Variants in ADAM9 observed in about 807,000 individuals in gnomAD.
ADAM9 encodes ADAM metallopeptidase domain 9.
A neutral mutation model predicts 108.1 loss-of-function variants in ADAM9; 54 were observed. The ratio of observed to expected loss-of-function variants is 0.50; its 90% CI spans 0.40 to 0.63. The LOEUF (loss-of-function observed/expected upper bound fraction) is 0.63, where lower values mean the gene tolerates loss of function less well. Among genes scored for constraint, ADAM9 ranks in the 20% least tolerant of loss-of-function variants. The pLI, the probability that ADAM9 is intolerant of heterozygous loss-of-function variation, is 0.00. For missense variants in ADAM9, 830 were observed against 997.7 expected (o/e 0.83, Z 2.26); for synonymous variants, 316 against 336.0 (o/e 0.94, Z 0.65).
At chr8:39,052,193 TG>T (rs902921028) in intron 12 of ADAM9, among the ~76,000 whole-genome samples, 45 of 152,278 alleles carry the variant, frequency 3.0e-4, no homozygotes, top group African/African-American at 9.1e-4. Context: ...GGCAAGCTGA[TG>T]GGTAAAAAAT....
intron 16 of ADAM9, among the ~76,000 whole-genome samples, chr8:39,079,812 TA>T (rs1838964472): frequency 6.6e-6 from 1 of 152,198 alleles, no homozygotes; most frequent in African/African-American, 2.4e-5. Context: ...CTCGAATTCC[TA>T]ACCTCAAGTG....
chr8:39,053,571 T>C lies in ADAM9; in HGVS notation c.1303-910T>C, dbSNP rs554857803. Reference sequence around the variant, plus strand: ...TCTGAAAAGAAGTTGCAAAATAATATAGAGTCCTGTGTACTTTTCACCCAG... The same window carrying C: ...TCTGAAAAGAAGTTGCAAAATAATACAGAGTCCTGTGTACTTTTCACCCAG... On this transcript the variant is annotated intron_variant, in intron 12 of 21. Transcript: ENST00000487273. Among the ~76,000 whole-genome samples the C allele has an allele frequency of 3.9e-5, 6 of 152,324 alleles. No homozygotes were observed. In the East Asian group the frequency reaches 7.7e-4, roughly 20 times the overall value.
At chr8:39,079,182 G>T (rs1838941729) in intron 16 of ADAM9, among the ~76,000 whole-genome samples, 1 of 152,184 alleles carries the variant, frequency 6.6e-6, no homozygotes, top group African/African-American at 2.4e-5. Context: ...TTAACTGCAT[G>T]GTTGAAAGGG....
rs1838096161 is a variant in ADAM9 at position 39,055,659 on chromosome 8, G to A, written c.1478G>A (p.Cys493Tyr). ...PEYCNGSSQF[C>Y]QPDVFIQNGY... The stretch of plus-strand genomic sequence containing the variant: ...TACTGCAATGGTTCTTCTCAGTTCT[G>A]TCAGCCAGATGTTTTTATTCAGAAT... The change falls in exon 14 of 22, where the codon TGT (cysteine) becomes TAT (tyrosine). Residue 493 changes from cysteine (C) to tyrosine (Y), a missense_variant. By Grantham distance (194) the Cys-to-Tyr change is radical. Coordinates refer to ENST00000487273, the MANE Select transcript of ADAM9 (RefSeq NM_003816.3). 6.2e-7 allele frequency: 1 copy of A among 1,613,636 alleles called. No homozygotes were observed. Among genetic ancestry groups the A allele is most frequent in the African/African-American group, 1.3e-5 (1 of 74,890 alleles).
At chr8:39,035,610 A>G (rs1837244939) in intron 11 of ADAM9, among the ~76,000 whole-genome samples, 2 of 152,094 alleles carry the variant, frequency 1.3e-5, no homozygotes, top group Non-Finnish European at 2.9e-5. Flanking sequence ...CGAGGTCAGG[A>G]GATCGAGACC....
At chr8:39,025,971 T>G (rs1297664964) in intron 10 of ADAM9, 87 bp downstream of exon 10, 2 of 1,350,244 alleles carry the variant, frequency 1.5e-6, no homozygotes, top group Non-Finnish European at 2.1e-6. Flanking sequence ...CCCCTGGTCC[T>G]TAAAACAATA....
intron 1 of ADAM9, among the ~76,000 whole-genome samples, chr8:39,001,045 A>G (rs992808703): frequency 6.6e-6 from 1 of 152,124 alleles, no homozygotes; most frequent in African/African-American, 2.4e-5. Flanking sequence ...TCTTCCTTCT[A>G]GTAGTGTAGA....
intron 14 of ADAM9, among the ~76,000 whole-genome samples, chr8:39,070,152 CAA>C (rs5891052): frequency 0.014 from 1,109 of 81,452 alleles, 7 homozygotes; most frequent in African/African-American, 0.046. Context: ...GACTCTGTCT[CAA>C]AAAAAAAAAA....
At chr8:39,046,274 G>T (rs1207135741) in intron 12 of ADAM9, among the ~76,000 whole-genome samples, 2 of 151,910 alleles carry the variant, frequency 1.3e-5, no homozygotes, top group African/African-American at 4.8e-5. Flanking sequence ...GTAGTTCATT[G>T]TTAGTATGTG....
chr8:39,016,132 T>G lies in ADAM9; in HGVS notation c.348T>G (p.Tyr116Ter). ...DHPNIQNHCH[Y>*]RGYVEGVHNS... ...TTTTCATTTAGAATCATTGTCATTATCGGGGCTATGTGGAGGGAGTTCATA... is the reference window on the plus strand; with the variant it reads ...TTTTCATTTAGAATCATTGTCATTAGCGGGGCTATGTGGAGGGAGTTCATA... Residue 116 changes from tyrosine (Y) to a stop codon, truncating the protein, a stop_gained, in exon 5 of 22, where the codon TAT (tyrosine) becomes TAG (stop). Transcript: ENST00000487273. LOFTEE classifies it high-confidence loss of function. 1 of 1,613,760 alleles carries G rather than the reference T, an allele frequency of 6.2e-7. No individual in the cohort carries two copies. The highest frequency in any genetic ancestry group is 1.7e-4 in the Middle Eastern group (1 of 6,044).
chr8:39,054,649 T>G (rs1838062460), intron 13 of ADAM9, 76 bp downstream of exon 13: 1 of 1,316,100 alleles, frequency 7.6e-7, no homozygotes, highest in Admixed American at 2.2e-5. Context: ...CAAAATTTGT[T>G]TTTTGAGATT....
At chr8:39,017,054 G>T in intron 5 of ADAM9, 165 bp from the exon 6 acceptor site, 1 of 708,868 alleles carries the variant, frequency 1.4e-6, no homozygotes, top group South Asian at 1.9e-5. Context: ...TTTCAATTTA[G>T]GTCCGTCCCA....
rs1258983304 is a variant in ADAM9, at chr8:39,083,010, G to T, written c.2005G>T (p.Ala669Ser). 6.2e-7 allele frequency: 1 copy of T among 1,613,796 alleles called. No individual in the cohort carries two copies. The highest frequency in any genetic ancestry group is 8.5e-7 in the Non-Finnish European group (1 of 1,179,860). ...GAATTGTCACTGTGAAAATGGCTGG[G>T]CTCCCCCAAATTGTGAGACTAAAGG... ...NKNCHCENGW[A>S]PPNCETKGYG... is the part of the protein sequence containing the mutation. The change falls in exon 18 of 22, where the codon GCT becomes TCT. Residue 669 changes from alanine (A) to serine (S), a missense_variant. By Grantham distance (99) the Ala-to-Ser change is moderately conservative. Transcript: ENST00000487273.
chr8:39,089,003 A>T (rs1370697102), intron 18 of ADAM9, among the ~76,000 whole-genome samples: 1 of 152,178 alleles, frequency 6.6e-6, no homozygotes, highest in Non-Finnish European at 1.5e-5. Context: ...TAATCCCAGC[A>T]CTTAGGGAGG....
chr8:39,062,867 A>T (rs555235130), intron 14 of ADAM9, among the ~76,000 whole-genome samples: 50 of 152,296 alleles, frequency 3.3e-4, no homozygotes, highest in Non-Finnish European at 5.9e-4. Flanking sequence ...TAAGTGACAA[A>T]TCGACTCAAA....
chr8:39,089,863 A>C (rs1268135281), intron 18 of ADAM9, 184 bp from the exon 19 acceptor site: 1 of 637,048 alleles, frequency 1.6e-6, no homozygotes, highest in Non-Finnish European at 2.7e-6. Context: ...AAAAGTGGTT[A>C]TTTTTGTGAA....
intron 11 of ADAM9, among the ~76,000 whole-genome samples, chr8:39,041,328 G>T (rs184146961): frequency 6.6e-6 from 1 of 152,218 alleles, no homozygotes; most frequent in African/African-American, 2.4e-5. Context: ...AACTTTCAAA[G>T]TACTAACCAC....
Position 39,104,141 on chromosome 8 carries a change from C to G in ADAM9, c.*441C>G, listed in dbSNP as rs926064333. 2.2e-6 allele frequency: 1 copy of G among 454,944 alleles called. No individual in the cohort carries two copies. The highest frequency in any genetic ancestry group is 4.4e-6 in the Non-Finnish European group (1 of 227,510). 28.2% of individuals were successfully genotyped at this position (454,944 alleles called of 1,614,324 possible). On this transcript the variant is annotated 3_prime_UTR_variant, in exon 22 of 22. Coordinates refer to ENST00000487273, the MANE Select transcript of ADAM9 (RefSeq NM_003816.3). ...CTAATACCTGTGAAAACTGACTAAT[C>G]AGCTGCCAATAATATCTAATATTTT... is the stretch of plus-strand genomic sequence containing the variant.
chr8:39,025,004 G>C (rs950717066), intron 9 of ADAM9, among the ~76,000 whole-genome samples: 6 of 152,122 alleles, frequency 3.9e-5, no homozygotes, highest in African/African-American at 1.4e-4. Flanking sequence ...TTAATATTAG[G>C]GAAGAGAGGT....
Sources: gnomAD v4.1 joint callset for allele counts (sites outside exome capture counted in the v4.1 genomes callset) on GRCh38, gnomAD v4.1.1 for gene constraint, MANE v1.5 for transcripts, NCBI Gene and HGNC (gene_info 2026-07-23, HGNC 2026-07-21) for gene names.